Variants in DENND1A observed in about 807,000 individuals in gnomAD.
DENND1A encodes the protein DENN domain containing 1A.
DENND1A carries 51 observed loss-of-function variants against 113.7 expected under a neutral mutation model. The ratio of observed to expected loss-of-function variants is 0.45; its 90% CI spans 0.36 to 0.57. The LOEUF is 0.57. Ranked by LOEUF, DENND1A falls within the 20% of genes least tolerant of loss-of-function variation. The pLI is 0.00. For missense variants in DENND1A, 1,258 were observed against 1,395.9 expected (o/e 0.90, Z 1.57); for synonymous variants, 565 against 570.8 (o/e 0.99, Z 0.14).
At chr9:123,499,902 T>C (rs1210933154) in intron 13 of DENND1A, among the ~76,000 whole-genome samples, 1 of 152,212 alleles carries the variant, frequency 6.6e-6, no homozygotes, top group Non-Finnish European at 1.5e-5. Flanking sequence ...CTCCTCTCTG[T>C]ACGCTTGGCA....
At chr9:123,790,826 C>A (rs891602334) in intron 3 of DENND1A, among the ~76,000 whole-genome samples, 1 of 152,128 alleles carries the variant, frequency 6.6e-6, no homozygotes, top group African/African-American at 2.4e-5. Context: ...TCTCCTTAAA[C>A]GCACAAACTT....
intron 9 of DENND1A, among the ~76,000 whole-genome samples, chr9:123,644,772 C>T (rs2062223130): frequency 6.6e-6 from 1 of 152,210 alleles, no homozygotes; most frequent in Non-Finnish European, 1.5e-5. Context: ...GGCCACCTCT[C>T]CTATTGACTA....
intron 9 of DENND1A, among the ~76,000 whole-genome samples, chr9:123,643,575 G>A (rs920347784): frequency 6.6e-6 from 1 of 152,170 alleles, no homozygotes; most frequent in African/African-American, 2.4e-5. Context: ...TTATTATATA[G>A]GACAAAGATA....
chr9:123,708,140 A>T (rs2066350001), intron 5 of DENND1A, among the ~76,000 whole-genome samples: 1 of 152,186 alleles, frequency 6.6e-6, no homozygotes, highest in Non-Finnish European at 1.5e-5. Context: ...TTATAGCAAA[A>T]ACAAAAAAAA....
intron 2 of DENND1A, chr9:123,843,019 C>T (rs980796930): frequency 1.1e-5 from 5 of 464,936 alleles, no homozygotes; most frequent in African/African-American, 1.0e-4. Flanking sequence ...AGAGAGATAG[C>T]CACTCAAGAA....
intron 9 of DENND1A, among the ~76,000 whole-genome samples, chr9:123,639,614 C>A (rs964332569): frequency 6.6e-6 from 1 of 151,564 alleles, no homozygotes; most frequent in Non-Finnish European, 1.5e-5. Context: ...CCCGTCTCTA[C>A]TAAAAATACA....
At chr9:123,925,978 TCAC>T (rs1857018177) in intron 1 of DENND1A, among the ~76,000 whole-genome samples, 1 of 152,224 alleles carries the variant, frequency 6.6e-6, no homozygotes, top group Non-Finnish European at 1.5e-5. Context: ...TTCTAGGATG[TCAC>T]CACAAGCAAT....
At chr9:123,386,267 G>A (rs911504278) in intron 22 of DENND1A, among the ~76,000 whole-genome samples, 3 of 152,022 alleles carry the variant, frequency 2.0e-5, no homozygotes, top group African/African-American at 7.2e-5. Flanking sequence ...TTGCTTAGGA[G>A]AAGGCTAATT....
At chr9:123,732,878 G>A (rs1303429588) in intron 5 of DENND1A, among the ~76,000 whole-genome samples, 3 of 152,172 alleles carry the variant, frequency 2.0e-5, no homozygotes, top group East Asian at 1.9e-4. Context: ...TATAATGGGG[G>A]CCATAGTGCT....
intron 11 of DENND1A, among the ~76,000 whole-genome samples, chr9:123,585,916 T>G (rs1283356656): frequency 6.6e-6 from 1 of 152,122 alleles, no homozygotes; most frequent in Non-Finnish European, 1.5e-5. Flanking sequence ...GGCCACACAG[T>G]AGGATGTAAT....
chr9:123,822,336 A>T (rs1343890433), intron 2 of DENND1A, among the ~76,000 whole-genome samples: 1 of 152,216 alleles, frequency 6.6e-6, no homozygotes, highest in Non-Finnish European at 1.5e-5. Flanking sequence ...AAATATTAAC[A>T]ATATTGAAGA....
At chr9:123,561,279 AAAG>A (rs1446635987) in intron 12 of DENND1A, among the ~76,000 whole-genome samples, 1 of 151,444 alleles carries the variant, frequency 6.6e-6, no homozygotes, top group Non-Finnish European at 1.5e-5. Flanking sequence ...CATTTTACAC[AAAG>A]AAGGAGTCGT....
chr9:123,889,142 C>T (rs1235154985), intron 1 of DENND1A, among the ~76,000 whole-genome samples: 1 of 152,136 alleles, frequency 6.6e-6, no homozygotes, highest in Admixed American at 6.6e-5. Context: ...ACAGGAATGA[C>T]ATGTGGTTCT....
At chr9:123,433,411 A>G (rs1395411425) in intron 19 of DENND1A, among the ~76,000 whole-genome samples, 5 of 152,166 alleles carry the variant, frequency 3.3e-5, no homozygotes, top group Non-Finnish European at 7.3e-5. Context: ...TTCTCTACAC[A>G]TGGATCTTAT....
intron 8 of DENND1A, among the ~76,000 whole-genome samples, chr9:123,652,819 T>C (rs1479179240): frequency 5.9e-5 from 9 of 152,142 alleles, no homozygotes; most frequent in Admixed American, 5.9e-4. Context: ...AAAGCAGTGT[T>C]TTAACTAGCT....
chr9:123,895,892 A>G (rs1850674381), intron 1 of DENND1A, among the ~76,000 whole-genome samples: 1 of 152,170 alleles, frequency 6.6e-6, no homozygotes, highest in Non-Finnish European at 1.5e-5. Context: ...AAACCCATCC[A>G]CACACATACA....
intron 2 of DENND1A, among the ~76,000 whole-genome samples, chr9:123,858,596 G>T (rs1844618411): frequency 6.6e-6 from 1 of 152,062 alleles, no homozygotes; most frequent in Non-Finnish European, 1.5e-5. Flanking sequence ...GGGGGTAAAA[G>T]GTTGGTCGAG....
chr9:123,552,569 C>T (rs554066710), intron 13 of DENND1A, among the ~76,000 whole-genome samples: 1 of 152,240 alleles, frequency 6.6e-6, no homozygotes, highest in South Asian at 2.1e-4. Context: ...ACCCCAGGAC[C>T]CTGCATGGTG....
At chr9:123,603,024 T>C (rs373734355) in intron 11 of DENND1A, among the ~76,000 whole-genome samples, 49 of 152,316 alleles carry the variant, frequency 3.2e-4, no homozygotes, top group African/African-American at 8.7e-4. Context: ...GGCTCAGAAT[T>C]TTGCATCAAT....
Sources: gnomAD v4.1 joint callset for allele counts (sites outside exome capture counted in the v4.1 genomes callset) on GRCh38, gnomAD v4.1.1 for gene constraint, MANE v1.5 for transcripts, NCBI Gene and HGNC (gene_info 2026-07-23, HGNC 2026-07-21) for gene names.